Variants in ARHGEF10 observed in about 807,000 individuals in gnomAD.
ARHGEF10 encodes the protein Rho guanine nucleotide exchange factor (GEF) 10.
A neutral mutation model predicts 147.4 loss-of-function variants in ARHGEF10; 140 were observed. That is an observed-to-expected ratio of 0.95 (90% confidence interval 0.83 to 1.09). The LOEUF is 1.09. Among genes scored for constraint, ARHGEF10 ranks in the 50% least tolerant of loss-of-function variants. The probability of loss-of-function intolerance (pLI) is 0.00; values close to 1 mark genes in which losing one functional copy is unlikely to be tolerated. For missense variants in ARHGEF10, 2,222 were observed against 1,752.7 expected, an observed-to-expected ratio of 1.27 and a Z score of -4.78; for synonymous variants, 902 against 695.8, an observed-to-expected ratio of 1.30 and a Z score of -4.67.
At position 1,843,351 on chromosome 8, in the gene ARHGEF10, A is replaced by G; in HGVS notation, c.-47-2A>G. ...GACAAGCAGTGTCTCTCCTTCTTGCAGGAGCTCCTTCCCTTAACAGAGCTG... is the reference window on the plus strand; with the variant it reads ...GACAAGCAGTGTCTCTCCTTCTTGCGGGAGCTCCTTCCCTTAACAGAGCTG... On this transcript the variant is annotated splice_acceptor_variant, in intron 1 of 28. Transcript: ENST00000349830. LOFTEE classifies it low-confidence loss of function (5UTR_SPLICE). The G allele has an allele frequency of 6.2e-7, 1 of 1,611,036 alleles. No individual in the cohort carries two copies. The highest frequency in any genetic ancestry group is 8.5e-7 in the Non-Finnish European group (1 of 1,179,350).
intron 28 of ARHGEF10, among the ~76,000 whole-genome samples, chr8:1,953,710 G>A (rs1456596229): frequency 1.3e-5 from 2 of 152,240 alleles, no homozygotes; most frequent in Non-Finnish European, 2.9e-5. Flanking sequence ...TGGCATTGCC[G>A]GTAATGGGTA....
intron 8 of ARHGEF10, among the ~76,000 whole-genome samples, chr8:1,879,738 A>T (rs542969751): frequency 2.6e-5 from 4 of 152,118 alleles, no homozygotes; most frequent in African/African-American, 9.6e-5. Flanking sequence ...ATTTTAATAG[A>T]GACAGGGTTT....
At chr8:1,869,545 C>G (rs184923480) in intron 7 of ARHGEF10, 2 of 526,874 alleles carry the variant, frequency 3.8e-6, no homozygotes, top group East Asian at 3.5e-5. Flanking sequence ...TGAGAAGCAG[C>G]AATGTATATC....
Position 1,917,945 on chromosome 8 carries a change from A to AT in ARHGEF10, c.2144-5005dup, listed in dbSNP as rs796327045. Among the ~76,000 whole-genome samples the AT allele has an allele frequency of 3.4e-3, 478 of 141,542 alleles. 2 individuals are homozygous for AT. Among genetic ancestry groups the AT allele is most frequent in the South Asian group, 0.019 (82 of 4,428 alleles). 92.9% of individuals were successfully genotyped at this position (141,542 alleles called of 152,430 possible). The stretch of plus-strand genomic sequence containing the variant: ...GAGTGTGTACCACCATGCCTGGCTA[A>AT]TTTTTTTTTTTTTTGTATTTTTAGT... On this transcript the variant is annotated intron_variant, in intron 18 of 28. Coordinates refer to ENST00000349830, the MANE Select transcript of ARHGEF10 (RefSeq NM_014629.4).
intron 14 of ARHGEF10, among the ~76,000 whole-genome samples, chr8:1,897,922 G>T (rs1228935638): frequency 6.6e-6 from 1 of 152,172 alleles, no homozygotes; most frequent in Non-Finnish European, 1.5e-5. Flanking sequence ...GCACAGCCAG[G>T]TCTGTGCTGT....
At chr8:1,909,151 A>C (rs1811153941) in intron 17 of ARHGEF10, 144 bp from the exon 18 acceptor site, 1 of 1,223,316 alleles carries the variant, frequency 8.2e-7, no homozygotes, top group East Asian at 2.3e-5. Flanking sequence ...TAAGAAAGTC[A>C]GAAGCACAAT....
At position 1,896,455 on chromosome 8, in the gene ARHGEF10, C is replaced by G. The variant is rs200685622; in HGVS notation, c.1557+6C>G. 6.2e-7 allele frequency: 1 copy of G among 1,600,336 alleles called. No individual in the cohort carries two copies. Among genetic ancestry groups the G allele is most frequent in the African/African-American group, 1.3e-5 (1 of 74,100 alleles). On this transcript the variant is annotated splice_donor_region_variant and intron_variant, in intron 14 of 28. Transcript: ENST00000349830. Reference sequence around the variant, plus strand: ...CTTTTCTTGAATTTTTAAAGGTAAGCGCTTTTTTTTTTCATTTGGGTTTTA... The same window carrying G: ...CTTTTCTTGAATTTTTAAAGGTAAGGGCTTTTTTTTTTCATTTGGGTTTTA...
chr8:1,920,031 T>C lies in ARHGEF10; in HGVS notation c.2144-2933T>C, dbSNP rs77515454. Among the ~76,000 whole-genome samples, 847 of 105,066 alleles carry C rather than the reference T, an allele frequency of 8.1e-3. 21 individuals are homozygous for C. The highest frequency in any genetic ancestry group is 0.011 in the Non-Finnish European group (524 of 49,352). 68.9% of individuals were successfully genotyped at this position (105,066 alleles called of 152,430 possible). On this transcript the variant is annotated intron_variant, in intron 18 of 28. Coordinates refer to ENST00000349830, the MANE Select transcript of ARHGEF10 (RefSeq NM_014629.4). ...TGTTCTGTGGATGATGGAGCTGTTC[T>C]ATGGGTGATGGAGCTGTTCCGTGGG...
At chr8:1,899,674 T>G (rs565688294) in intron 15 of ARHGEF10, among the ~76,000 whole-genome samples, 2 of 152,376 alleles carry the variant, frequency 1.3e-5, no homozygotes, top group South Asian at 2.1e-4. Flanking sequence ...GCAGTTTGCC[T>G]GTATTACAGC....
chr8:1,845,698 A>T (rs1804504091), intron 2 of ARHGEF10, among the ~76,000 whole-genome samples: 1 of 152,166 alleles, frequency 6.6e-6, no homozygotes, highest in African/African-American at 2.4e-5. Flanking sequence ...AGTGCCTGGC[A>T]CCCTGAGGAG....
intron 8 of ARHGEF10, among the ~76,000 whole-genome samples, chr8:1,878,251 G>T (rs748940575): frequency 1.3e-5 from 2 of 151,862 alleles, no homozygotes; most frequent in East Asian, 3.9e-4. Context: ...GTACAATGGC[G>T]TGATCTCGGC....
rs1813474056 is a variant in ARHGEF10, at chr8:1,935,169, A to G, written c.3222+1227A>G. 2.6e-5 allele frequency among the ~76,000 whole-genome samples: 4 copies of G among 152,084 alleles called. No homozygotes were observed. In the South Asian group the frequency reaches 8.3e-4, roughly 32 times the overall value. On this transcript the variant is annotated intron_variant, in intron 26 of 28. Coordinates refer to ENST00000349830, the MANE Select transcript of ARHGEF10 (RefSeq NM_014629.4). ...TAGGTTCACTGCAAAATTGAATGAAAAGTGCGGAATTTTCCATGTACCCCT... is the reference window on the plus strand; with the variant it reads ...TAGGTTCACTGCAAAATTGAATGAAGAGTGCGGAATTTTCCATGTACCCCT...
intron 27 of ARHGEF10, among the ~76,000 whole-genome samples, chr8:1,952,280 C>G (rs1366756490): frequency 1.3e-5 from 2 of 152,232 alleles, no homozygotes; most frequent in Non-Finnish European, 2.9e-5. Context: ...ATTAAGAGAC[C>G]TCTCCTCACT....
rs528120656 is a variant in ARHGEF10 at position 1,850,670 on chromosome 8, G to A, written c.37+7234G>A. 9.2e-5 allele frequency among the ~76,000 whole-genome samples: 14 copies of A among 152,300 alleles called. No individual in the cohort carries two copies. In the East Asian group the frequency reaches 1.7e-3, roughly 19 times the overall value. ...CTTCAAACCTGAGCACACTCTTACC[G>A]TGTGACTTGCAGCCATGCCCCGGCG... On this transcript the variant is annotated intron_variant, in intron 2 of 28. Transcript: ENST00000349830.
rs1563174451 is a variant in ARHGEF10, at chr8:1,850,158, GT to G, written c.37+6723del. On this transcript the variant is annotated intron_variant, in intron 2 of 28. Transcript: ENST00000349830. ...GCTGAGGAGGGTGTGGGGCGGCCAC[GT>G]GGACACAGAGGGCAAATGCTGAGGA... Among the ~76,000 whole-genome samples, 343 of 40,408 alleles carry G rather than the reference GT, an allele frequency of 8.5e-3. 33 individuals are homozygous for G. Among genetic ancestry groups the G allele is most frequent in the Admixed American group, 0.011 (40 of 3,500 alleles). The allele number at this position is 40,408 out of a possible 152,430, so 26.5% of individuals were successfully genotyped here.
chr8:1,894,503 G>A lies in ARHGEF10; in HGVS notation c.1371G>A (p.Gln457=). ...TCCTGCAGTGCCACTCGCTATTTCA[G>A]ATCGCGCTGGCCAGCCGCGTTTCCG... ...KEILQCHSLF[Q]IALASRVSEW... Residue 457 remains glutamine, a synonymous_variant, in exon 13 of 29, where the codon CAG becomes CAA. Coordinates refer to ENST00000349830, the MANE Select transcript of ARHGEF10 (RefSeq NM_014629.4). The A allele has an allele frequency of 6.2e-7, 1 of 1,614,252 alleles. No homozygotes were observed. Among genetic ancestry groups the A allele is most frequent in the Non-Finnish European group, 8.5e-7 (1 of 1,180,050 alleles).
chr8:1,881,080 T>A (rs1278431660), intron 9 of ARHGEF10, among the ~76,000 whole-genome samples: 4 of 151,940 alleles, frequency 2.6e-5, no homozygotes, highest in African/African-American at 9.7e-5. Flanking sequence ...TGAGCTACAT[T>A]TGGAGGTTTT....
At chr8:1,934,951 A>G (rs1427656251) in intron 26 of ARHGEF10, among the ~76,000 whole-genome samples, 4 of 152,204 alleles carry the variant, frequency 2.6e-5, no homozygotes, top group Non-Finnish European at 5.9e-5. Flanking sequence ...AAATACAAAG[A>G]TTTCTTATTA....
At chr8:1,879,914 G>C in intron 8 of ARHGEF10, 134 bp from the exon 9 acceptor site, 1 of 762,356 alleles carries the variant, frequency 1.3e-6, no homozygotes, top group Non-Finnish European at 2.4e-6. Context: ...TCTCGCGTGT[G>C]GTCCCAGAAG....
Sources: allele counts gnomAD v4.1 joint callset (sites outside exome capture counted in the v4.1 genomes callset), GRCh38; gene constraint gnomAD v4.1.1; transcripts MANE v1.5; gene names NCBI Gene and HGNC (gene_info 2026-07-23, HGNC 2026-07-21).